NEK3: variants seen among roughly 807,000 people sequenced by gnomAD.
NEK3 encodes NIMA related kinase 3.
In NEK3, 54 loss-of-function variants were observed where a neutral mutation model predicts 66.0. The ratio of observed to expected loss-of-function variants is 0.82; its 90% CI spans 0.66 to 1.03. NEK3 has a LOEUF of 1.03. NEK3 is among the 50% of genes least tolerant of loss of function. The pLI, the probability that NEK3 is intolerant of heterozygous loss-of-function variation, is 0.00. For missense variants in NEK3, 593 were observed against 603.0 expected, an observed-to-expected ratio of 0.98 and a Z score of 0.17; for synonymous variants, 200 against 206.2, an observed-to-expected ratio of 0.97 and a Z score of 0.26.
intron 11 of NEK3, among the ~76,000 whole-genome samples, chr13:52,140,195 C>A (rs1410081015): frequency 7.2e-6 from 1 of 138,012 alleles, no homozygotes; most frequent in Non-Finnish European, 1.5e-5. Flanking sequence ...AGCTTGGATG[C>A]CAAAGTGAGA....
chr13:52,148,465 T>TG lies in NEK3; in HGVS notation c.552dup (p.Ile185HisfsTer10). On this transcript the variant is annotated frameshift_variant, in exon 8 of 16. Transcript: ENST00000610828. LOFTEE classifies it high-confidence loss of function. ...TACAGGATGCAACCCAAGGACCAGA[T>TG]GTCACTGAAAGCATAAAGAAGCAAT... 2 of 1,613,568 alleles carry TG rather than the reference T, an allele frequency of 1.2e-6. No individual in the cohort carries two copies. The highest frequency in any genetic ancestry group is 1.7e-6 in the Non-Finnish European group (2 of 1,179,656).
intron 7 of NEK3, among the ~76,000 whole-genome samples, chr13:52,150,808 A>G (rs1436985202): frequency 1.3e-5 from 2 of 152,168 alleles, no homozygotes; most frequent in Admixed American, 1.3e-4. Flanking sequence ...ATTAGTGTAG[A>G]CGCAACCTGG....
intron 1 of NEK3, chr13:52,159,159 CTTA>C (rs1490227123): frequency 6.6e-6 from 1 of 152,268 alleles, no homozygotes; most frequent in South Asian, 2.1e-4. Flanking sequence ...CAGCCCTGCG[CTTA>C]TTAACTTCTT....
At chr13:52,149,576 A>G (rs1956323607) in intron 7 of NEK3, among the ~76,000 whole-genome samples, 1 of 152,074 alleles carries the variant, frequency 6.6e-6, no homozygotes, top group Non-Finnish European at 1.5e-5. Flanking sequence ...AATCTCCTGA[A>G]AAAAGGTTGC....
chr13:52,132,862 T>C lies in NEK3; in HGVS notation c.*280A>G, dbSNP rs529186631. The C allele has an allele frequency of 5.9e-6, 2 of 339,784 alleles. No homozygotes were observed. Among genetic ancestry groups the C allele is most frequent in the African/African-American group, 2.1e-5 (1 of 48,734 alleles). The allele number at this position is 339,784 out of a possible 1,614,324, so 21.0% of individuals were successfully genotyped here. On this transcript the variant is annotated 3_prime_UTR_variant, in exon 16 of 16. Transcript: ENST00000610828. ...AATTTCCCACAATCACACAAGTAGG[T>C]AGTGGCACGCTAGCATCCCATTTCT...
intron 7 of NEK3, among the ~76,000 whole-genome samples, chr13:52,150,597 A>G (rs1956335678): frequency 6.6e-6 from 1 of 152,212 alleles, no homozygotes; most frequent in Non-Finnish European, 1.5e-5. Flanking sequence ...TATAACTTAT[A>G]TTCAGAAAAA....
At position 52,133,115 on chromosome 13, in the gene NEK3, C is replaced by A. The variant is rs772423795; in HGVS notation, c.*27G>T. The A allele has an allele frequency of 6.4e-7, 1 of 1,572,484 alleles. No homozygotes were observed. The highest frequency in any genetic ancestry group is 1.3e-5 in the African/African-American group (1 of 74,352). On this transcript the variant is annotated 3_prime_UTR_variant, in exon 16 of 16. Transcript: ENST00000610828. Reference sequence around the variant, plus strand: ...ACTCCTGAGTGAAGCCTCTCCTCAGCGTGACTCAGGAACATTTCCTCAGGC... The same window carrying A: ...ACTCCTGAGTGAAGCCTCTCCTCAGAGTGACTCAGGAACATTTCCTCAGGC...
intron 1 of NEK3, 70 bp from the exon 2 acceptor site, chr13:52,156,318 C>A: frequency 1.6e-6 from 1 of 627,950 alleles, no homozygotes; most frequent in Non-Finnish European, 2.8e-6. Flanking sequence ...TTCAAAGTAG[C>A]TCTCATAACC....
At position 52,135,994 on chromosome 13, in the gene NEK3, G is replaced by T; in HGVS notation, c.1174+122C>A. ...TAAAATCTGCTTCATTCACCTGTAT[G>T]AGCAATGCTCTGATGTGTGACGCCA... is the stretch of plus-strand genomic sequence containing the variant. On this transcript the variant is annotated intron_variant, in intron 13 of 15. Coordinates refer to ENST00000610828, the MANE Select transcript of NEK3 (RefSeq NM_002498.3). 11 of 1,491,966 alleles carry T rather than the reference G, an allele frequency of 7.4e-6. 1 individual carries two copies. In the South Asian group the frequency reaches 1.4e-4, roughly 19 times the overall value. The allele number at this position is 1,491,966 out of a possible 1,614,324, so 92.4% of individuals were successfully genotyped here. A position where few individuals can be genotyped will look rare whatever the true frequency, so the allele number is the denominator to read the frequency against.
chr13:52,133,321 G>A, intron 15 of NEK3, 95 bp from the exon 16 acceptor site: 1 of 1,047,940 alleles, frequency 9.5e-7, no homozygotes, highest in Non-Finnish European at 1.4e-6. Flanking sequence ...CAATACTTAA[G>A]CTTTTGAAAA....
At chr13:52,137,593 A>G (rs1472799204) in intron 11 of NEK3, among the ~76,000 whole-genome samples, 2 of 152,218 alleles carry the variant, frequency 1.3e-5, no homozygotes, top group Non-Finnish European at 2.9e-5. Context: ...GAACATAAAA[A>G]TCTGTCACTT....
chr13:52,134,993 A>T (rs1006939787), intron 14 of NEK3, among the ~76,000 whole-genome samples: 2 of 152,192 alleles, frequency 1.3e-5, no homozygotes, highest in Non-Finnish European at 2.9e-5. Flanking sequence ...ACATCGTTGC[A>T]ATAAATAGAG....
At chr13:52,142,511 CAT>C (rs993706893) in intron 10 of NEK3, among the ~76,000 whole-genome samples, 2 of 152,176 alleles carry the variant, frequency 1.3e-5, no homozygotes, top group Non-Finnish European at 2.9e-5. Context: ...CTCCTGACCT[CAT>C]GATCTACCCG....
chr13:52,144,530 C>T (rs915357739), intron 9 of NEK3, among the ~76,000 whole-genome samples, 161 bp downstream of exon 9: 7 of 152,030 alleles, frequency 4.6e-5, no homozygotes, highest in African/African-American at 1.4e-4. Flanking sequence ...GCATTGTGGG[C>T]GGGAAGAGGA....
intron 2 of NEK3, among the ~76,000 whole-genome samples, chr13:52,154,594 G>C (rs1448312990): frequency 6.6e-6 from 1 of 151,762 alleles, no homozygotes; most frequent in Non-Finnish European, 1.5e-5. Flanking sequence ...TTGACTGTCT[G>C]CATCACTTAG....
intron 1 of NEK3, chr13:52,157,407 A>C (rs1956404532): frequency 6.6e-6 from 1 of 152,364 alleles, no homozygotes; most frequent in Non-Finnish European, 1.5e-5. Flanking sequence ...CAAGCAGAGA[A>C]GGGGGCAAGG....
intron 5 of NEK3, 112 bp downstream of exon 5, chr13:52,152,497 T>C: frequency 1.8e-6 from 1 of 570,640 alleles, no homozygotes. Context: ...AATATTAGGC[T>C]GACAAATATT....
rs1956279510 is a variant in NEK3 at position 52,144,709 on chromosome 13, C to CT, written c.785dup (p.Lys263GlufsTer13). The CT allele has an allele frequency of 5.0e-6, 8 of 1,613,864 alleles. No individual in the cohort carries two copies. The highest frequency in any genetic ancestry group is 6.8e-6 in the Non-Finnish European group (8 of 1,179,850). ...ATCATACCTCGGGGGGTAAGCACTTCTGGACAAGCCGAGCTACGATGCCTC... is the reference window on the plus strand; with the variant it reads ...ATCATACCTCGGGGGGTAAGCACTTCTTGGACAAGCCGAGCTACGATGCCTC... On this transcript the variant is annotated frameshift_variant, in exon 9 of 16. Transcript: ENST00000610828. LOFTEE classifies it high-confidence loss of function.
chr13:52,148,753 A>G (rs1039515684), intron 7 of NEK3, among the ~76,000 whole-genome samples: 1 of 152,188 alleles, frequency 6.6e-6, no homozygotes, highest in Non-Finnish European at 1.5e-5. Context: ...AGATGATCAC[A>G]GCTGGAAGAA....
Sources: allele counts gnomAD v4.1 joint callset (sites outside exome capture counted in the v4.1 genomes callset), GRCh38; gene constraint gnomAD v4.1.1; transcripts MANE v1.5; gene names NCBI Gene and HGNC (gene_info 2026-07-23, HGNC 2026-07-21).